Variants in NKAIN3 observed in about 807,000 individuals in gnomAD.
NKAIN3 encodes the protein sodium/potassium-transporting ATPase subunit beta-1-interacting protein 3.
In NKAIN3, 25 loss-of-function variants were observed where a neutral mutation model predicts 30.2. The observed-to-expected ratio is 0.83, with a 90% CI of 0.60 to 1.16. The LOEUF (loss-of-function observed/expected upper bound fraction) is 1.16, where lower values mean the gene tolerates loss of function less well. NKAIN3 is among the 50% of genes most tolerant of loss of function. The pLI is 0.00. For synonymous variants in NKAIN3, 91 were observed against 89.6 expected, an observed-to-expected ratio of 1.02 and a Z score of -0.09; for missense variants, 225 against 254.1, an observed-to-expected ratio of 0.89 and a Z score of 0.78.
intron 1 of NKAIN3, among the ~76,000 whole-genome samples, chr8:62,330,415 G>T (rs1815303106): frequency 6.6e-6 from 1 of 152,024 alleles, no homozygotes; most frequent in Non-Finnish European, 1.5e-5. Flanking sequence ...GAGGGTAGTG[G>T]CAGTAGGAAA....
intron 4 of NKAIN3, among the ~76,000 whole-genome samples, chr8:62,814,694 A>G (rs1197187871): frequency 6.6e-6 from 1 of 152,266 alleles, no homozygotes; most frequent in African/African-American, 2.4e-5. Context: ...GAGAACAAAG[A>G]CACAACATAC....
intron 2 of NKAIN3, among the ~76,000 whole-genome samples, chr8:62,585,102 G>C (rs1368671615): frequency 6.6e-6 from 1 of 152,170 alleles, no homozygotes; most frequent in East Asian, 1.9e-4. Context: ...GTACTGCCTT[G>C]CTTATCTCAG....
Position 62,537,326 on chromosome 8 carries a change from C to T in NKAIN3, c.55-42213C>T, listed in dbSNP as rs143054497. Among the ~76,000 whole-genome samples the T allele has an allele frequency of 1.4e-4, 21 of 152,244 alleles. No individual in the cohort carries two copies. The East Asian group carries it at 1.7e-3, about 13-fold the overall frequency. On this transcript the variant is annotated intron_variant, in intron 1 of 6. Transcript: ENST00000623646. ...TTGCTAAATAAAGGAACTGATTTTA[C>T]TTAGGGAATACCAATAAGGTTTAAA...
Position 62,745,771 on chromosome 8 carries a change from T to C in NKAIN3, c.274-1161T>C, listed in dbSNP as rs150488753. Among the ~76,000 whole-genome samples, 419 of 152,296 alleles carry C rather than the reference T, an allele frequency of 2.8e-3. 3 individuals carry two copies. The highest frequency in any genetic ancestry group is 9.7e-3 in the African/African-American group (404 of 41,566). On this transcript the variant is annotated intron_variant, in intron 3 of 6. Transcript: ENST00000623646. ...TGTGATTGACTGTGGTGCCATTTTC[T>C]TGAAACAACTGAGGAGGAAGGACCT... is the stretch of plus-strand genomic sequence containing the variant.
At chr8:62,864,697 G>T (rs1042448610) in intron 4 of NKAIN3, among the ~76,000 whole-genome samples, 11 of 152,122 alleles carry the variant, frequency 7.2e-5, no homozygotes, top group African/African-American at 2.7e-4. Flanking sequence ...AAGCAGGACG[G>T]TTTCAGCCTC....
chr8:62,387,656 G>T (rs185244186), intron 1 of NKAIN3, among the ~76,000 whole-genome samples: 10 of 152,300 alleles, frequency 6.6e-5, no homozygotes, highest in African/African-American at 1.9e-4. Flanking sequence ...TTTCCATTGT[G>T]ATAACATTCC....
At chr8:62,264,243 C>T (rs1366768429) in intron 1 of NKAIN3, among the ~76,000 whole-genome samples, 5 of 152,062 alleles carry the variant, frequency 3.3e-5, no homozygotes, top group Admixed American at 2.6e-4. Flanking sequence ...ATATATTCCC[C>T]GCTGGCCACC....
rs544568963 is a variant in NKAIN3, at chr8:62,935,416, T to C, written c.532+16903T>C. ...CTGGCACTCCATCGCCATTACCTTGTATAAGGTAATGACACCCTGTGAGGC... is the reference window on the plus strand; with the variant it reads ...CTGGCACTCCATCGCCATTACCTTGCATAAGGTAATGACACCCTGTGAGGC... On this transcript the variant is annotated intron_variant, in intron 5 of 6. Transcript: ENST00000623646. 5.9e-5 allele frequency among the ~76,000 whole-genome samples: 9 copies of C among 152,252 alleles called. No homozygotes were observed. In the East Asian group the frequency reaches 1.5e-3, roughly 26 times the overall value.
At chr8:62,924,522 A>G (rs949737770) in intron 5 of NKAIN3, among the ~76,000 whole-genome samples, 1 of 152,244 alleles carries the variant, frequency 6.6e-6, no homozygotes, top group African/African-American at 2.4e-5. Flanking sequence ...TTCCAATGGC[A>G]GAGATCGGGG....
chr8:62,747,179 C>T (rs766103764), intron 4 of NKAIN3, 50 bp downstream of exon 4: 13 of 1,261,080 alleles, frequency 1.0e-5, no homozygotes, highest in East Asian at 7.0e-5. Flanking sequence ...TCTTTGCTGG[C>T]ATTTTTTTCT....
In NKAIN3 at chr8:62,780,396, T is replaced by TA. The variant is rs535852289; in HGVS notation, c.471+33272dup. 2.5e-4 allele frequency among the ~76,000 whole-genome samples: 38 copies of TA among 152,066 alleles called. No homozygotes were observed. In the East Asian group the frequency reaches 3.1e-3, roughly 12 times the overall value. ...TAATACCAATTCCCTCAAACTATCC[T>TA]AAAAATTAAAGAGGAGGGAATTCTC... On this transcript the variant is annotated intron_variant, in intron 4 of 6. Coordinates refer to ENST00000623646, the MANE Select transcript of NKAIN3 (RefSeq NM_001304533.3).
chr8:62,773,180 T>A (rs1223907153), intron 4 of NKAIN3, among the ~76,000 whole-genome samples: 1 of 152,176 alleles, frequency 6.6e-6, no homozygotes, highest in Non-Finnish European at 1.5e-5. Flanking sequence ...GGTAGCTTGA[T>A]GATTTGAGAT....
chr8:62,858,920 A>C (rs562565675), intron 4 of NKAIN3, among the ~76,000 whole-genome samples: 159 of 152,316 alleles, frequency 1.0e-3, no homozygotes, highest in Middle Eastern at 6.8e-3. Context: ...GGGTATGTAC[A>C]GACACCGTGC....
At chr8:62,267,255 A>G (rs1243496672) in intron 1 of NKAIN3, among the ~76,000 whole-genome samples, 1 of 152,260 alleles carries the variant, frequency 6.6e-6, no homozygotes, top group Non-Finnish European at 1.5e-5. Flanking sequence ...GATATGATTC[A>G]GAATTGAAGC....
chr8:62,567,848 A>T (rs1691446714), intron 1 of NKAIN3, among the ~76,000 whole-genome samples: 2 of 152,184 alleles, frequency 1.3e-5, no homozygotes, highest in Admixed American at 1.3e-4. Context: ...AAGTAAAAAG[A>T]TTATAAAGTA....
rs1048575482 is a variant in NKAIN3 at position 62,756,791 on chromosome 8, A to C, written c.471+9662A>C. 3.3e-5 allele frequency among the ~76,000 whole-genome samples: 5 copies of C among 152,166 alleles called. 1 individual carries two copies. The highest frequency in any genetic ancestry group is 1.2e-4 in the African/African-American group (5 of 41,454). ...CATAACACTCTCCATAACAGTATGC[A>C]TATGATTAGTATTTTTTCTATATGC... On this transcript the variant is annotated intron_variant, in intron 4 of 6. Coordinates refer to ENST00000623646, the MANE Select transcript of NKAIN3 (RefSeq NM_001304533.3).
At chr8:62,814,296 T>C (rs188151934) in intron 4 of NKAIN3, among the ~76,000 whole-genome samples, 13 of 151,582 alleles carry the variant, frequency 8.6e-5, no homozygotes, top group African/African-American at 3.2e-4. Flanking sequence ...CACTTAATTA[T>C]GTTCTGTATG....
intron 1 of NKAIN3, among the ~76,000 whole-genome samples, chr8:62,573,844 T>C (rs1810023410): frequency 6.6e-6 from 1 of 152,096 alleles, no homozygotes. Flanking sequence ...ATAAATGGGG[T>C]ATCCATCATC....
At chr8:62,440,077 G>A (rs1805279623) in intron 1 of NKAIN3, among the ~76,000 whole-genome samples, 1 of 152,030 alleles carries the variant, frequency 6.6e-6, no homozygotes, top group South Asian at 2.1e-4. Context: ...TTTACTAAAA[G>A]GTGCGTTTTA....
Sources: allele counts gnomAD v4.1 joint callset (sites outside exome capture counted in the v4.1 genomes callset), GRCh38; gene constraint gnomAD v4.1.1; transcripts MANE v1.5; gene names NCBI Gene and HGNC (gene_info 2026-07-23, HGNC 2026-07-21).